Variants in CSMD1 observed in about 807,000 individuals in gnomAD.
CSMD1 encodes the protein CUB and sushi domain-containing protein 1.
CSMD1 carries 213 observed loss-of-function variants against 417.5 expected under a neutral mutation model. The observed-to-expected ratio is 0.51, with a 90% CI of 0.46 to 0.57. The LOEUF (loss-of-function observed/expected upper bound fraction) is 0.57. CSMD1 is among the 20% of genes least tolerant of loss of function. CSMD1 has a pLI of 0.00. For synonymous variants in CSMD1, 2,862 were observed against 1,736.8 expected (o/e 1.65, Z -16.11); for missense variants, 6,923 against 4,529.7 (o/e 1.53, Z -15.17).
rs531935282 is a variant in CSMD1 at position 3,836,426 on chromosome 8, G to T, written c.819-82384C>A. Among the ~76,000 whole-genome samples the T allele has an allele frequency of 2.0e-5, 3 of 152,180 alleles. 1 individual carries two copies. Among genetic ancestry groups the T allele is most frequent in the Middle Eastern group, 6.8e-3 (2 of 294 alleles). ...TTAGGTGATGGAAAATTTCTCCAAT[G>T]CAGAAATCTCCAATTTCTGCATTAA... On this transcript the variant is annotated intron_variant, in intron 5 of 69. Coordinates refer to ENST00000635120, the MANE Select transcript of CSMD1 (RefSeq NM_033225.6).
rs147018979 is a variant in CSMD1 at position 4,130,911 on chromosome 8, C to T, written c.416-98812G>A. On this transcript the variant is annotated intron_variant, in intron 3 of 69. Coordinates refer to ENST00000635120, the MANE Select transcript of CSMD1 (RefSeq NM_033225.6). ...TAGGTAGAACAATGCATTGGATGGA[C>T]GGATTAATTATTCAGGCTTTCTGAA... Among the ~76,000 whole-genome samples, 200 of 151,672 alleles carry T rather than the reference C, an allele frequency of 1.3e-3. 1 individual carries two copies. Among genetic ancestry groups the T allele is most frequent in the African/African-American group, 3.7e-3 (155 of 41,382 alleles).
At chr8:4,417,787 T>C (rs911429680) in intron 3 of CSMD1, among the ~76,000 whole-genome samples, 1 of 152,064 alleles carries the variant, frequency 6.6e-6, no homozygotes. Context: ...TTCTACTTCA[T>C]ATACATATAT....
At chr8:4,248,898 C>T (rs1376536881) in intron 3 of CSMD1, among the ~76,000 whole-genome samples, 3 of 152,106 alleles carry the variant, frequency 2.0e-5, no homozygotes, top group East Asian at 1.9e-4. Context: ...AAAAAAAATC[C>T]ATTTAGACCA....
intron 4 of CSMD1, among the ~76,000 whole-genome samples, chr8:4,030,176 T>C: frequency 7.1e-6 from 1 of 140,108 alleles, no homozygotes; most frequent in South Asian, 2.5e-4. Context: ...GTCTGAAGGA[T>C]GGTAGCCTTC....
At chr8:4,107,997 G>A (rs1370575429) in intron 3 of CSMD1, among the ~76,000 whole-genome samples, 3 of 152,002 alleles carry the variant, frequency 2.0e-5, no homozygotes, top group Non-Finnish European at 2.9e-5. Flanking sequence ...GAAGTAGAAA[G>A]TAAGGGAAAG....
intron 5 of CSMD1, among the ~76,000 whole-genome samples, chr8:3,933,900 C>A (rs540571777): frequency 6.6e-6 from 1 of 151,912 alleles, no homozygotes; most frequent in Non-Finnish European, 1.5e-5. Context: ...TTCTCTAGGC[C>A]ACCTAGTAAA....
At chr8:3,179,284 C>A (rs547512491) in intron 37 of CSMD1, among the ~76,000 whole-genome samples, 1 of 152,114 alleles carries the variant, frequency 6.6e-6, no homozygotes, top group Admixed American at 6.5e-5. Flanking sequence ...AGAATAGGAA[C>A]AGAGAAATGA....
chr8:3,292,617 A>G (rs899701760), intron 25 of CSMD1, among the ~76,000 whole-genome samples: 54 of 152,196 alleles, frequency 3.5e-4, no homozygotes, highest in African/African-American at 1.3e-3. Flanking sequence ...TTGTTGGTTT[A>G]AAGTCTGTTT....
chr8:3,269,837 C>G (rs540758470), intron 26 of CSMD1, among the ~76,000 whole-genome samples: 3 of 152,144 alleles, frequency 2.0e-5, no homozygotes, highest in African/African-American at 7.2e-5. Flanking sequence ...CTGTGCAGAG[C>G]TGGCAGGACA....
intron 6 of CSMD1, among the ~76,000 whole-genome samples, chr8:3,709,680 G>GTTTGTTTTTTTTTTTTTTTT (rs1801387652): frequency 3.0e-5 from 1 of 33,694 alleles, no homozygotes; most frequent in African/African-American, 1.1e-4. Context: ...GCAGCAGCAT[G>GTTTGTTTTTTTTTTTTTTTT]TTTTTTTTTT....
intron 5 of CSMD1, among the ~76,000 whole-genome samples, chr8:3,799,190 G>T (rs934683723): frequency 1.4e-4 from 21 of 152,022 alleles, no homozygotes; most frequent in East Asian, 5.8e-4. Context: ...ATAAGAAAAA[G>T]AGGAATAGCA....
chr8:4,040,351 T>C (rs377637495), intron 3 of CSMD1, among the ~76,000 whole-genome samples: 1 of 152,340 alleles, frequency 6.6e-6, no homozygotes, highest in Non-Finnish European at 1.5e-5. Context: ...ACTATTATTA[T>C]GCCCATTTTA....
chr8:4,063,439 T>G (rs1031360087), intron 3 of CSMD1, among the ~76,000 whole-genome samples: 2 of 152,198 alleles, frequency 1.3e-5, no homozygotes, highest in Non-Finnish European at 2.9e-5. Context: ...ATGAATACAA[T>G]GTCCTTAGAA....
chr8:3,857,032 A>T (rs1043361709), intron 5 of CSMD1, among the ~76,000 whole-genome samples: 35 of 152,316 alleles, frequency 2.3e-4, no homozygotes, highest in African/African-American at 8.2e-4. Flanking sequence ...TTAGAAATAT[A>T]TATCGAGGGC....
chr8:4,691,963 G>A lies in CSMD1; in HGVS notation c.86-54405C>T, dbSNP rs76208964. Among the ~76,000 whole-genome samples the A allele has an allele frequency of 3.5e-3, 533 of 152,272 alleles. 8 individuals are homozygous for A. The highest frequency in any genetic ancestry group is 0.012 in the African/African-American group (510 of 41,546). On this transcript the variant is annotated intron_variant, in intron 1 of 69. Transcript: ENST00000635120. The stretch of plus-strand genomic sequence containing the variant: ...TTATGGCAAATAAACTGCAGCTCTC[G>A]TTTTATGAGCTCTCCTCTGTCTCAA...
chr8:3,875,978 G>T (rs1420965657), intron 5 of CSMD1, among the ~76,000 whole-genome samples: 2 of 150,526 alleles, frequency 1.3e-5, no homozygotes, highest in Non-Finnish European at 2.9e-5. Flanking sequence ...AATTGCGAAG[G>T]GCCACATGTC....
chr8:3,829,091 C>T (rs952704433), intron 5 of CSMD1, among the ~76,000 whole-genome samples: 7 of 151,498 alleles, frequency 4.6e-5, no homozygotes, highest in Non-Finnish European at 8.8e-5. Context: ...TGAGCAAGTT[C>T]TTTAGTGGAG....
At chr8:4,332,543 G>C (rs1238460665) in intron 3 of CSMD1, among the ~76,000 whole-genome samples, 1 of 137,998 alleles carries the variant, frequency 7.2e-6, no homozygotes, top group East Asian at 2.3e-4. Context: ...CTTCTGTCAT[G>C]ATATCACATA....
At chr8:3,622,819 C>G (rs1266187134) in intron 7 of CSMD1, among the ~76,000 whole-genome samples, 2 of 152,034 alleles carry the variant, frequency 1.3e-5, no homozygotes, top group Admixed American at 6.6e-5. Context: ...GTCATTGATT[C>G]ATCTAGAAAT....
Sources: allele counts gnomAD v4.1 joint callset (sites outside exome capture counted in the v4.1 genomes callset), GRCh38; gene constraint gnomAD v4.1.1; transcripts MANE v1.5; gene names NCBI Gene and HGNC (gene_info 2026-07-23, HGNC 2026-07-21).